UBTD2: variants seen among roughly 807,000 people sequenced by gnomAD.
The protein encoded by UBTD2 is ubiquitin domain-containing protein 2.
In UBTD2, 9 loss-of-function variants were observed where a neutral mutation model predicts 19.8. That is an observed-to-expected ratio of 0.46 (90% CI 0.27 to 0.79). The LOEUF (loss-of-function observed/expected upper bound fraction) is 0.79, where lower values mean the gene tolerates loss of function less well. UBTD2 is among the 30% of genes least tolerant of loss of function. The pLI, the probability that UBTD2 is intolerant of heterozygous loss-of-function variation, is 0.14. For synonymous variants in UBTD2, 98 were observed against 103.9 expected (o/e 0.94, Z 0.35); for missense variants, 250 against 300.4 (o/e 0.83, Z 1.24).
intron 1 of UBTD2, among the ~76,000 whole-genome samples, chr5:172,242,563 AGAGTC>A (rs1398268613): frequency 2.0e-5 from 3 of 152,220 alleles, no homozygotes; most frequent in Admixed American, 6.5e-5. Context: ...AAGCTTTATT[AGAGTC>A]AAGTAAAACA....
rs1489098175 is a variant in UBTD2 at position 172,225,112 on chromosome 5, T to C, written c.307+9010A>G. ...TTTTTTTTTTCTTCTCACAAACCTATTGTTGGCTTCATGTCCTAGCAGAGA... is the reference window on the plus strand; with the variant it reads ...TTTTTTTTTTCTTCTCACAAACCTACTGTTGGCTTCATGTCCTAGCAGAGA... On this transcript the variant is annotated intron_variant, in intron 2 of 2. Coordinates refer to ENST00000393792, the MANE Select transcript of UBTD2 (RefSeq NM_152277.3). Among the ~76,000 whole-genome samples the C allele has an allele frequency of 2.0e-5, 3 of 152,118 alleles. No homozygotes were observed. The East Asian group carries it at 5.8e-4, about 29-fold the overall frequency.
chr5:172,262,690 C>T (rs2113101225), intron 1 of UBTD2, among the ~76,000 whole-genome samples: 1 of 151,946 alleles, frequency 6.6e-6, no homozygotes, highest in South Asian at 2.1e-4. Context: ...TGGCACGTGC[C>T]TGTAGTCCCA....
intron 1 of UBTD2, among the ~76,000 whole-genome samples, chr5:172,246,823 G>T (rs1270311798): frequency 1.5e-5 from 2 of 134,344 alleles, no homozygotes; most frequent in African/African-American, 5.8e-5. Flanking sequence ...GAGTATAATG[G>T]CTTGATCTTG....
intron 2 of UBTD2, among the ~76,000 whole-genome samples, chr5:172,227,089 T>C (rs2113884854): frequency 6.6e-6 from 1 of 152,280 alleles, no homozygotes; most frequent in Middle Eastern, 3.4e-3. Context: ...AAAGCTGATC[T>C]GGCTTTACAG....
intron 1 of UBTD2, among the ~76,000 whole-genome samples, chr5:172,264,235 C>T (rs1755327877): frequency 6.6e-6 from 1 of 151,946 alleles, no homozygotes; most frequent in Non-Finnish European, 1.5e-5. Context: ...CCAGCATCCT[C>T]TAAAATGTCT....
In UBTD2 at chr5:172,274,282, A is replaced by C. The variant is rs1324786225; in HGVS notation, c.70+9314T>G. Among the ~76,000 whole-genome samples the C allele has an allele frequency of 3.3e-5, 5 of 151,948 alleles. No individual in the cohort carries two copies. In the East Asian group the frequency reaches 7.8e-4, roughly 24 times the overall value. On this transcript the variant is annotated intron_variant, in intron 1 of 2. Coordinates refer to ENST00000393792, the MANE Select transcript of UBTD2 (RefSeq NM_152277.3). ...CAGCCTCCCAAGTAGCTAGGACTAC[A>C]GGCACGTGCCACCATGCCCAGCTAA...
intron 2 of UBTD2, among the ~76,000 whole-genome samples, chr5:172,229,242 T>C (rs187014510): frequency 6.6e-6 from 1 of 152,038 alleles, no homozygotes; most frequent in Admixed American, 6.5e-5. Context: ...GGCTCACGCC[T>C]GTAATCCCAG....
At chr5:172,265,060 C>A (rs1433229992) in intron 1 of UBTD2, among the ~76,000 whole-genome samples, 2 of 152,184 alleles carry the variant, frequency 1.3e-5, no homozygotes, top group African/African-American at 4.8e-5. Context: ...GCTGAATAGG[C>A]TATACATGCA....
chr5:172,259,486 T>A lies in UBTD2; in HGVS notation c.70+24110A>T, dbSNP rs144685572. 4.3e-3 allele frequency among the ~76,000 whole-genome samples: 657 copies of A among 151,756 alleles called. 4 individuals carry two copies. Among genetic ancestry groups the A allele is most frequent in the African/African-American group, 0.015 (638 of 41,348 alleles). Reference sequence around the variant, plus strand: ...GACTATAATTATAGTAAGAAAGGAGTAGTCTTCAACACATTCTCATAGAAG... The same window carrying A: ...GACTATAATTATAGTAAGAAAGGAGAAGTCTTCAACACATTCTCATAGAAG... On this transcript the variant is annotated intron_variant, in intron 1 of 2. Transcript: ENST00000393792.
chr5:172,224,026 A>G (rs1447659404), intron 2 of UBTD2, among the ~76,000 whole-genome samples: 1 of 152,182 alleles, frequency 6.6e-6, no homozygotes, highest in East Asian at 1.9e-4. Context: ...AGTTGGTCCA[A>G]AGGAAATGGT....
intron 2 of UBTD2, among the ~76,000 whole-genome samples, chr5:172,229,372 G>T (rs1378757029): frequency 9.9e-5 from 15 of 151,926 alleles, no homozygotes; most frequent in Non-Finnish European, 2.2e-4. Context: ...ATGGTGGCGG[G>T]CACCTGTAGT....
At chr5:172,224,819 T>C (rs1394452121) in intron 2 of UBTD2, among the ~76,000 whole-genome samples, 1 of 152,172 alleles carries the variant, frequency 6.6e-6, no homozygotes, top group Non-Finnish European at 1.5e-5. Context: ...AACAGACTAA[T>C]ACAGAGAGGT....
At chr5:172,284,074 C>T (rs1216673641), upstream of UBTD2, 1 of 150,662 alleles carries the variant, frequency 6.6e-6, no homozygotes, top group Non-Finnish European at 1.5e-5. Flanking sequence ...GCGGCGCCGC[C>T]CTCCGCACCC....
At chr5:172,272,256 G>T (rs537880874) in intron 1 of UBTD2, among the ~76,000 whole-genome samples, 104 of 152,330 alleles carry the variant, frequency 6.8e-4, no homozygotes, top group African/African-American at 2.4e-3. Context: ...AGTAGCTGAT[G>T]CAAGACAAAT....
chr5:172,213,780 CTTTTTT>C (rs112049461), intron 2 of UBTD2, among the ~76,000 whole-genome samples: 140 of 150,368 alleles, frequency 9.3e-4, no homozygotes, highest in African/African-American at 3.1e-3. Flanking sequence ...GAAAGCATAC[CTTTTTT>C]TTTTCTTTTT....
chr5:172,233,750 G>T (rs6556005), intron 2 of UBTD2, among the ~76,000 whole-genome samples: 1 of 148,070 alleles, frequency 6.8e-6, no homozygotes, highest in Non-Finnish European at 1.5e-5. Context: ...AGCGCTGCTA[G>T]GAGGAAACCA....
chr5:172,222,780 T>C (rs1771679067), intron 2 of UBTD2, among the ~76,000 whole-genome samples: 1 of 152,230 alleles, frequency 6.6e-6, no homozygotes, highest in Non-Finnish European at 1.5e-5. Flanking sequence ...GTAAAATTAA[T>C]AAATAGGCAG....
chr5:172,278,757 T>C (rs1043486755), intron 1 of UBTD2, among the ~76,000 whole-genome samples: 2 of 152,162 alleles, frequency 1.3e-5, no homozygotes, highest in Non-Finnish European at 2.9e-5. Context: ...AATTGTTATA[T>C]GTTTTGCCAC....
chr5:172,229,214 C>A (rs999470552), intron 2 of UBTD2, among the ~76,000 whole-genome samples: 7 of 151,966 alleles, frequency 4.6e-5, no homozygotes, highest in Admixed American at 4.6e-4. Flanking sequence ...AAGAGGAGAG[C>A]TTTTGGCCGG....
Sources: allele counts gnomAD v4.1 joint callset (sites outside exome capture counted in the v4.1 genomes callset), GRCh38; gene constraint gnomAD v4.1.1; transcripts MANE v1.5; gene names NCBI Gene and HGNC (gene_info 2026-07-23, HGNC 2026-07-21).